The following IL1RAPL1 variants were observed in gnomAD, a reference collection of about 807,000 sequenced individuals.
IL1RAPL1 encodes the protein interleukin 1 receptor accessory protein like 1.
In IL1RAPL1, 3 loss-of-function variants were observed where a neutral mutation model predicts 48.4. That is an observed-to-expected ratio of 0.06 (90% confidence interval 0.03 to 0.16). The LOEUF is 0.16. Among genes scored for constraint, IL1RAPL1 ranks in the 10% least tolerant of loss-of-function variants. IL1RAPL1 has a pLI of 1.00. For missense variants in IL1RAPL1, 349 were observed against 530.6 expected, an observed-to-expected ratio of 0.66 and a Z score of 3.36; for synonymous variants, 185 against 187.7, an observed-to-expected ratio of 0.99 and a Z score of 0.12.
At chrX:28,724,000 A>G (rs920500650) in intron 1 of IL1RAPL1, among the ~76,000 whole-genome samples, 1 of 111,107 alleles carries the variant, frequency 9.0e-6, no homozygotes. Flanking sequence ...TGCTGAGGAG[A>G]GCTTTACTTC....
intron 1 of IL1RAPL1, among the ~76,000 whole-genome samples, chrX:28,715,973 C>T (rs1935499531): frequency 8.9e-6 from 1 of 111,880 alleles, no homozygotes; most frequent in Non-Finnish European, 1.9e-5. Context: ...CATCAAAAAG[C>T]TTATCCACCA....
At chrX:28,939,103 G>C (rs1271824945) in intron 2 of IL1RAPL1, among the ~76,000 whole-genome samples, 1 of 110,264 alleles carries the variant, frequency 9.1e-6, no homozygotes, top group Non-Finnish European at 1.9e-5. Flanking sequence ...AATTAGTTTA[G>C]CCATTGTGGA....
intron 3 of IL1RAPL1, among the ~76,000 whole-genome samples, chrX:29,372,081 A>G (rs1468164839): frequency 8.9e-6 from 1 of 112,419 alleles, no homozygotes; most frequent in Non-Finnish European, 1.9e-5. Context: ...AGCCTCATCA[A>G]CATCTGTTAT....
At chrX:29,114,790 T>G (rs1163376575) in intron 2 of IL1RAPL1, among the ~76,000 whole-genome samples, 1 of 110,171 alleles carries the variant, frequency 9.1e-6, no homozygotes, top group Admixed American at 9.8e-5. Context: ...CCACCACACC[T>G]GGCTAATTTT....
chrX:29,300,706 C>T (rs763489285), intron 3 of IL1RAPL1, among the ~76,000 whole-genome samples: 1 of 111,947 alleles, frequency 8.9e-6, no homozygotes, highest in Non-Finnish European at 1.9e-5. Flanking sequence ...ATAGCTAGTA[C>T]AAAAGAATAA....
At chrX:28,728,924 A>C (rs1448454595) in intron 1 of IL1RAPL1, among the ~76,000 whole-genome samples, 1 of 111,437 alleles carries the variant, frequency 9.0e-6, no homozygotes, top group South Asian at 3.7e-4. Flanking sequence ...TTGCTGCTCT[A>C]AAAGTCTTTT....
chrX:29,741,531 TATGAATCTTACAA>T (rs1326307813), intron 6 of IL1RAPL1, among the ~76,000 whole-genome samples: 1 of 111,442 alleles, frequency 9.0e-6, no homozygotes, highest in Non-Finnish European at 1.9e-5. Context: ...AGGTCTGGCA[TATGAATCTTACAA>T]ATGAGGGATT....
At chrX:29,545,883 C>CT (rs1921611794) in intron 5 of IL1RAPL1, among the ~76,000 whole-genome samples, 1 of 111,996 alleles carries the variant, frequency 8.9e-6, no homozygotes, top group Non-Finnish European at 1.9e-5. Context: ...CTTAATGTTA[C>CT]TTACAGGATA....
intron 2 of IL1RAPL1, among the ~76,000 whole-genome samples, chrX:29,084,921 G>A (rs1482982469): frequency 4.5e-5 from 5 of 112,008 alleles, no homozygotes; most frequent in African/African-American, 1.3e-4. Flanking sequence ...CCGAACTCCT[G>A]ACCTCAGGTG....
chrX:29,091,017 T>G (rs560431988), intron 2 of IL1RAPL1, among the ~76,000 whole-genome samples: 3 of 112,382 alleles, frequency 2.7e-5, no homozygotes, highest in African/African-American at 9.7e-5. Context: ...TGCCATCTAT[T>G]GGCTTCCAAG....
intron 6 of IL1RAPL1, among the ~76,000 whole-genome samples, chrX:29,889,541 T>C (rs1386475107): frequency 8.9e-6 from 1 of 111,904 alleles, no homozygotes; most frequent in Non-Finnish European, 1.9e-5. Flanking sequence ...TATAATACTC[T>C]GTAGCTACGG....
intron 2 of IL1RAPL1, among the ~76,000 whole-genome samples, chrX:28,855,693 A>G (rs372638330): frequency 9.0e-5 from 10 of 111,438 alleles, no homozygotes; most frequent in African/African-American, 2.9e-4. Flanking sequence ...ACAGTTCATT[A>G]TAATGCATTT....
chrX:29,187,287 G>A (rs1422331003), intron 2 of IL1RAPL1, among the ~76,000 whole-genome samples: 1 of 111,553 alleles, frequency 9.0e-6, no homozygotes, highest in East Asian at 2.8e-4. Context: ...AGAATCTTCT[G>A]CCAAGAATTA....
intron 6 of IL1RAPL1, among the ~76,000 whole-genome samples, chrX:29,802,965 GTACATA>G (rs1930021241): frequency 2.4e-5 from 2 of 83,934 alleles, no homozygotes; most frequent in African/African-American, 9.7e-5. Context: ...GTATACATGT[GTACATA>G]TATACATACA....
At chrX:29,672,058 T>C (rs1319224363) in intron 6 of IL1RAPL1, among the ~76,000 whole-genome samples, 1 of 112,002 alleles carries the variant, frequency 8.9e-6, no homozygotes, top group Non-Finnish European at 1.9e-5. Flanking sequence ...TCCTATTAAA[T>C]ATTCTCACAA....
chrX:29,748,162 G>T lies in IL1RAPL1; in HGVS notation c.778+79658G>T, dbSNP rs1227207298. On this transcript the variant is annotated intron_variant, in intron 6 of 10. Coordinates refer to ENST00000378993, the MANE Select transcript of IL1RAPL1 (RefSeq NM_014271.4). Reference sequence around the variant, plus strand: ...CCGAGCATATTCCAGAGTATGTGCTGAATGCCTCCAACCTTCATGAAGATA... The same window carrying T: ...CCGAGCATATTCCAGAGTATGTGCTTAATGCCTCCAACCTTCATGAAGATA... 6.3e-5 allele frequency among the ~76,000 whole-genome samples: 7 copies of T among 111,894 alleles called. No individual in the cohort carries two copies. The South Asian group carries it at 1.9e-3, about 30-fold the overall frequency.
intron 7 of IL1RAPL1, among the ~76,000 whole-genome samples, chrX:29,918,409 G>A (rs1853032380): frequency 9.9e-6 from 1 of 100,979 alleles, no homozygotes; most frequent in Non-Finnish European, 2.0e-5. Context: ...GGAGGCTGAG[G>A]CAGGAGAATC....
At chrX:29,436,374 A>AT (rs1421962992) in intron 5 of IL1RAPL1, among the ~76,000 whole-genome samples, 2 of 110,244 alleles carry the variant, frequency 1.8e-5, no homozygotes, top group African/African-American at 6.5e-5. Context: ...CTACTGGGAC[A>AT]TTTTGCAAAA....
chrX:29,470,328 A>T (rs1295154503), intron 5 of IL1RAPL1, among the ~76,000 whole-genome samples: 1 of 111,963 alleles, frequency 8.9e-6, no homozygotes, highest in African/African-American at 3.2e-5. Context: ...GGGAATTTAA[A>T]GCTTTTCACT....
Sources: allele counts gnomAD v4.1 joint callset (sites outside exome capture counted in the v4.1 genomes callset), GRCh38; gene constraint gnomAD v4.1.1; transcripts MANE v1.5; gene names NCBI Gene and HGNC (gene_info 2026-07-23, HGNC 2026-07-21).